Variants in SCARB1 observed in about 807,000 individuals in gnomAD.
SCARB1 encodes the protein CD36 and LIMPII analogous 1.
SCARB1 carries 30 observed loss-of-function variants against 57.2 expected under a neutral mutation model. The ratio of observed to expected loss-of-function variants is 0.52; its 90% CI spans 0.39 to 0.71. SCARB1 has a LOEUF of 0.71. Ranked by LOEUF, SCARB1 falls within the 30% of genes least tolerant of loss-of-function variation. SCARB1 has a pLI of 0.00. For missense variants in SCARB1, 543 were observed against 671.2 expected (o/e 0.81, Z 2.11); for synonymous variants, 249 against 268.3 (o/e 0.93, Z 0.70).
chr12:124,848,357 C>T (rs530482680), intron 1 of SCARB1, among the ~76,000 whole-genome samples: 28 of 152,388 alleles, frequency 1.8e-4, no homozygotes, highest in Admixed American at 1.5e-3. Context: ...GCTGGGATTA[C>T]AAGCGTGAGC....
At chr12:124,782,949 G>T in intron 11 of SCARB1, 138 bp from the exon 12 acceptor site, 1 of 839,818 alleles carries the variant, frequency 1.2e-6, no homozygotes, top group Non-Finnish European at 1.9e-6. Context: ...CTCAACGATT[G>T]CAGGTGGCTG....
chr12:124,821,477 ATC>A (rs148511562), intron 1 of SCARB1: 19,356 of 635,264 alleles, frequency 0.03, no homozygotes, highest in Non-Finnish European at 0.035. Context: ...CCATGTCTCA[ATC>A]TCTCTCTCTC....
chr12:124,794,911 C>T (rs543682363), intron 9 of SCARB1, among the ~76,000 whole-genome samples: 11 of 152,154 alleles, frequency 7.2e-5, no homozygotes, highest in African/African-American at 2.6e-4. Context: ...GCCTGGGCAA[C>T]AAGAGCGAGA....
chr12:124,858,713 A>G (rs1952745589), intron 1 of SCARB1, among the ~76,000 whole-genome samples: 1 of 152,042 alleles, frequency 6.6e-6, no homozygotes, highest in South Asian at 2.1e-4. Context: ...CCCCGTCTCC[A>G]CTAAAAATAC....
intron 1 of SCARB1, among the ~76,000 whole-genome samples, chr12:124,823,751 G>A (rs937949491): frequency 6.6e-6 from 1 of 152,206 alleles, no homozygotes; most frequent in African/African-American, 2.4e-5. Flanking sequence ...ATGGCTGAAC[G>A]CAGTGTGGTC....
intron 8 of SCARB1, among the ~76,000 whole-genome samples, chr12:124,798,717 C>CCTGTAATCCCAG (rs1215058861): frequency 6.6e-6 from 1 of 151,624 alleles, no homozygotes; most frequent in Non-Finnish European, 1.5e-5. Context: ...GTGGTGTGTG[C>CCTGTAATCCCAG]CTGTAATCCC....
Position 124,786,381 on chromosome 12 carries a change from A to G in SCARB1, c.1377T>C (p.Pro459=). ...CTTGGCTCCGGATTTGGCAGATGAC[A>G]GGGACCAGCAGCAGGACGCAGCCCA... is the stretch of plus-strand genomic sequence containing the variant. ...LALGCVLLLV[P]VICQIRSQEK... Residue 459 remains proline (P), a synonymous_variant, in exon 11 of 13, where the codon CCT becomes CCC. Transcript: ENST00000261693. 1 of 1,614,096 alleles carries G rather than the reference A, an allele frequency of 6.2e-7. No individual in the cohort carries two copies. Among genetic ancestry groups the G allele is most frequent in the South Asian group, 1.1e-5 (1 of 91,092 alleles).
chr12:124,800,431 C>T lies in SCARB1; in HGVS notation c.1010-189G>A, dbSNP rs766018101. Among the ~76,000 whole-genome samples the T allele has an allele frequency of 2.6e-5, 4 of 152,172 alleles. No individual in the cohort carries two copies. The highest frequency in any genetic ancestry group is 1.9e-4 in the East Asian group (1 of 5,196). ...GCCCTGTGATGAGGGACAAGCTCTG[C>T]GCCAGAGAAGGGGTGAGGCAGGAGC... On this transcript the variant is annotated intron_variant, in intron 7 of 12. Coordinates refer to ENST00000261693, the MANE Select transcript of SCARB1 (RefSeq NM_005505.5). This position sits in a 1 kb window ranked among gnomAD's most constrained non-coding sequence, Gnocchi z 4.8.
chr12:124,785,937 A>T (rs1174712060), intron 11 of SCARB1: 38 of 872,582 alleles, frequency 4.4e-5, no homozygotes, highest in Non-Finnish European at 6.3e-5. Flanking sequence ...CTTGGTTTTC[A>T]TCTGTCTCCC....
intron 1 of SCARB1, among the ~76,000 whole-genome samples, chr12:124,837,951 A>G (rs1040226646): frequency 6.6e-6 from 1 of 152,242 alleles, no homozygotes; most frequent in Non-Finnish European, 1.5e-5. Flanking sequence ...GAAAAATGCC[A>G]TTTCATGACA....
At chr12:124,802,461 A>G (rs1445118825) in intron 7 of SCARB1, among the ~76,000 whole-genome samples, 2 of 151,986 alleles carry the variant, frequency 1.3e-5, no homozygotes, top group African/African-American at 4.8e-5. Context: ...CAATCTGGAA[A>G]ACGCTGCCTC....
At position 124,782,800 on chromosome 12, in the gene SCARB1, A is replaced by G; in HGVS notation, c.1413T>C (p.Tyr471=). Residue 471 remains tyrosine (Y), a synonymous_variant, in exon 12 of 13, where the codon TAT becomes TAC. Coordinates refer to ENST00000261693, the MANE Select transcript of SCARB1 (RefSeq NM_005505.5). ...CCTTTTTACTACTACTCCAAAATAA[A>G]TAGCATTTCTCCTAGAAGATAACCA... The part of the protein sequence containing the change: ...ICQIRSQEKC[Y]LFWSSSKKGS... The G allele has an allele frequency of 6.2e-7, 1 of 1,614,044 alleles. No homozygotes were observed. Among genetic ancestry groups the G allele is most frequent in the Non-Finnish European group, 8.5e-7 (1 of 1,179,898 alleles).
At chr12:124,821,527 G>T in intron 1 of SCARB1, 1 of 985,284 alleles carries the variant, frequency 1.0e-6, no homozygotes, top group Non-Finnish European at 1.2e-6. Context: ...CAGGCCCTGG[G>T]TTTCAGCCCA....
intron 8 of SCARB1, among the ~76,000 whole-genome samples, chr12:124,797,966 C>G (rs1237216455): frequency 6.6e-6 from 1 of 152,210 alleles, no homozygotes; most frequent in African/African-American, 2.4e-5. Flanking sequence ...GGCATCCCCC[C>G]AGAGGAAATG....
chr12:124,818,641 TTTTTA>T (rs1004844793), intron 1 of SCARB1, among the ~76,000 whole-genome samples: 1 of 151,866 alleles, frequency 6.6e-6, no homozygotes, highest in South Asian at 2.1e-4. Context: ...AATTTTTGTA[TTTTTA>T]TTTTATTTTA....
At chr12:124,815,493 G>T (rs1036933430) in intron 2 of SCARB1, among the ~76,000 whole-genome samples, 5 of 152,204 alleles carry the variant, frequency 3.3e-5, no homozygotes, top group Non-Finnish European at 5.9e-5. Flanking sequence ...AACATCAGCT[G>T]CTGTGACTGT....
chr12:124,802,611 C>G (rs1212828691), intron 7 of SCARB1, among the ~76,000 whole-genome samples: 1 of 152,176 alleles, frequency 6.6e-6, no homozygotes, highest in African/African-American at 2.4e-5. Flanking sequence ...GCTTCAGAGG[C>G]CGAGCCTGCA....
intron 1 of SCARB1, 51 bp downstream of exon 1, chr12:124,863,530 TCCCGGCGCCCAGCG>T: frequency 6.5e-7 from 1 of 1,547,444 alleles, no homozygotes; most frequent in African/African-American, 1.4e-5. Flanking sequence ...GCGCGGGTCC[TCCCGGCGCCCAGCG>T]CCCAACAGCC....
chr12:124,839,281 G>C (rs1388146170), intron 1 of SCARB1: 1 of 455,522 alleles, frequency 2.2e-6, no homozygotes, highest in South Asian at 1.5e-5. Context: ...GGCTACTCTA[G>C]GGAGCTCATG....
Sources: allele counts gnomAD v4.1 joint callset (sites outside exome capture counted in the v4.1 genomes callset), GRCh38; gene constraint gnomAD v4.1.1; non-coding constraint Gnocchi (gnomAD v3.1); transcripts MANE v1.5; gene names NCBI Gene and HGNC (gene_info 2026-07-23, HGNC 2026-07-21).